The following RNLS variants were observed in gnomAD, a reference collection of about 807,000 sequenced individuals.
RNLS encodes renalase.
Under a neutral mutation model 39.8 loss-of-function variants are expected in RNLS, and 39 were observed. The ratio of observed to expected loss-of-function variants is 0.98; its 90% CI spans 0.76 to 1.28. RNLS has a LOEUF of 1.28. Ranked by LOEUF, RNLS falls within the 50% of genes most tolerant of loss-of-function variation. The probability of loss-of-function intolerance (pLI) is 0.00; values close to 1 mark genes in which losing one functional copy is unlikely to be tolerated. For synonymous variants in RNLS, 147 were observed against 150.7 expected (o/e 0.98, Z 0.18); for missense variants, 410 against 413.3 (o/e 0.99, Z 0.07).
intron 4 of RNLS, chr10:88,545,595 A>G: frequency 2.5e-6 from 1 of 396,882 alleles, no homozygotes; most frequent in Non-Finnish European, 5.1e-6. Context: ...GGTCCCTCCC[A>G]TGACACGTGG....
chr10:88,415,715 A>G (rs1264987721), intron 4 of RNLS, among the ~76,000 whole-genome samples: 6 of 152,106 alleles, frequency 3.9e-5, no homozygotes. Context: ...TGCTTCTTAG[A>G]ATAGTATTTG....
the RNLS span, among the ~76,000 whole-genome samples, chr10:88,254,579 C>T: frequency 1.3e-5 from 2 of 152,194 alleles, no homozygotes; most frequent in Non-Finnish European, 2.9e-5. Context: ...CTGTGAGACA[C>T]ACCTGTATTT....
the RNLS span, among the ~76,000 whole-genome samples, chr10:88,256,029 G>C: frequency 6.6e-6 from 1 of 152,184 alleles, no homozygotes; most frequent in African/African-American, 2.4e-5. Context: ...GCAGCTCAGG[G>C]AGGAGAATAA....
the RNLS span, among the ~76,000 whole-genome samples, chr10:88,235,823 T>C: frequency 6.6e-6 from 1 of 152,008 alleles, no homozygotes; most frequent in African/African-American, 2.4e-5. Context: ...TTGTTATTGC[T>C]GTTGTTTTGT....
chr10:88,411,893 G>C (rs1354968805), intron 4 of RNLS, among the ~76,000 whole-genome samples: 1 of 145,446 alleles, frequency 6.9e-6, no homozygotes, highest in Non-Finnish European at 1.6e-5. Flanking sequence ...CGATGACATG[G>C]AGCTGTGTGA....
intron 6 of RNLS, among the ~76,000 whole-genome samples, chr10:88,312,780 T>G (rs1845477085): frequency 6.6e-6 from 1 of 152,334 alleles, no homozygotes; most frequent in Admixed American, 6.5e-5. Flanking sequence ...CTTCACTTTT[T>G]TTTTTCAGAA....
intron 4 of RNLS, among the ~76,000 whole-genome samples, chr10:88,525,870 A>G (rs1203427650): frequency 2.6e-5 from 4 of 152,110 alleles, no homozygotes; most frequent in Non-Finnish European, 5.9e-5. Context: ...AGAGATTATC[A>G]TACCTCCCAG....
intron 5 of RNLS, among the ~76,000 whole-genome samples, chr10:88,352,470 G>A (rs1307963656): frequency 5.3e-5 from 8 of 152,182 alleles, no homozygotes; most frequent in Non-Finnish European, 8.8e-5. Flanking sequence ...TGTGGCTTTT[G>A]TCTTTGGTTC....
the RNLS span, among the ~76,000 whole-genome samples, chr10:88,237,217 A>AGTCC: frequency 8.1e-5 from 11 of 135,840 alleles, no homozygotes; most frequent in East Asian, 2.4e-3. Flanking sequence ...AGACACTTTG[A>AGTCC]GTCCCTCCCT....
intron 4 of RNLS, among the ~76,000 whole-genome samples, chr10:88,447,228 T>C (rs549056869): frequency 1.2e-4 from 18 of 152,358 alleles, no homozygotes; most frequent in Non-Finnish European, 2.2e-4. Context: ...AAATTGTCCC[T>C]GTTTGCAGAT....
At chr10:88,571,886 C>T (rs929899231) in intron 4 of RNLS, among the ~76,000 whole-genome samples, 2 of 152,210 alleles carry the variant, frequency 1.3e-5, no homozygotes, top group African/African-American at 2.4e-5. Context: ...TTACTATCTT[C>T]TCCTTCCCAC....
the RNLS span, among the ~76,000 whole-genome samples, chr10:88,182,154 C>T: frequency 6.6e-6 from 1 of 152,102 alleles, no homozygotes; most frequent in African/African-American, 2.4e-5. Flanking sequence ...CTAACTGCCT[C>T]TTTTATGAGC....
chr10:88,400,955 G>T (rs1852876578), intron 4 of RNLS, among the ~76,000 whole-genome samples: 1 of 151,652 alleles, frequency 6.6e-6, no homozygotes, highest in Admixed American at 6.6e-5. Context: ...TTATTTCCTA[G>T]ATATTATAAT....
chr10:88,398,173 C>T (rs2488270), intron 4 of RNLS, among the ~76,000 whole-genome samples: 88,858 of 151,952 alleles, frequency 0.58, 26,039 homozygotes, highest in African/African-American at 0.63. Context: ...CACCACACCA[C>T]GGAAGGCCAC....
At chr10:88,190,856 A>G in the RNLS span, among the ~76,000 whole-genome samples, 3 of 152,180 alleles carry the variant, frequency 2.0e-5, no homozygotes, top group African/African-American at 7.2e-5. Context: ...CATGTCTGCC[A>G]TATTTTGTGC....
intron 4 of RNLS, among the ~76,000 whole-genome samples, chr10:88,496,674 C>G (rs1407196666): frequency 6.6e-5 from 10 of 152,146 alleles, no homozygotes. Flanking sequence ...ACACAGCATT[C>G]CTTCTAAAGA....
intron 5 of RNLS, among the ~76,000 whole-genome samples, chr10:88,327,074 C>A (rs1334215002): frequency 6.6e-6 from 1 of 152,092 alleles, no homozygotes; most frequent in Non-Finnish European, 1.5e-5. Flanking sequence ...AGTAACTAAC[C>A]TGCTTTTAAT....
intron 4 of RNLS, among the ~76,000 whole-genome samples, chr10:88,521,612 A>G (rs1158840192): frequency 6.6e-6 from 1 of 152,064 alleles, no homozygotes; most frequent in East Asian, 1.9e-4. Context: ...AAATGCAACT[A>G]TCATAACTGG....
chr10:88,493,216 A>G (rs1844981543), intron 4 of RNLS, among the ~76,000 whole-genome samples: 1 of 152,156 alleles, frequency 6.6e-6, no homozygotes, highest in Non-Finnish European at 1.5e-5. Flanking sequence ...TAATAAATGA[A>G]TATTTAATAG....
Sources: gnomAD v4.1 joint callset for allele counts (sites outside exome capture counted in the v4.1 genomes callset) on GRCh38, gnomAD v4.1.1 for gene constraint, MANE v1.5 for transcripts, NCBI Gene and HGNC (gene_info 2026-07-23, HGNC 2026-07-21) for gene names.